Variants in GALNTL6 observed in about 807,000 individuals in gnomAD.
The protein encoded by GALNTL6 is polypeptide N-acetylgalactosaminyltransferase-like 6.
In GALNTL6, 46 loss-of-function variants were observed where a neutral mutation model predicts 73.7. The observed-to-expected ratio is 0.62, with a 90% CI of 0.49 to 0.80. GALNTL6 has a LOEUF of 0.80. Among genes scored for constraint, GALNTL6 ranks in the 30% least tolerant of loss-of-function variants. GALNTL6 has a pLI of 0.00. For missense variants in GALNTL6, 604 were observed against 755.0 expected, an observed-to-expected ratio of 0.80 and a Z score of 2.34; for synonymous variants, 259 against 263.7, an observed-to-expected ratio of 0.98 and a Z score of 0.17.
chr4:172,221,557 T>TTG (rs35277058), intron 2 of GALNTL6, among the ~76,000 whole-genome samples: 58,467 of 150,506 alleles, frequency 0.39, 11,404 homozygotes, highest in Non-Finnish European at 0.41. Flanking sequence ...TTTGTGGAGT[T>TTG]TGTGTGTGTG....
chr4:172,636,554 T>A (rs902213961), intron 5 of GALNTL6, among the ~76,000 whole-genome samples: 1 of 151,870 alleles, frequency 6.6e-6, no homozygotes, highest in Non-Finnish European at 1.5e-5. Context: ...GAAGCAGAGG[T>A]CAGAGTGAAA....
intron 10 of GALNTL6, among the ~76,000 whole-genome samples, chr4:173,002,726 C>T (rs915421363): frequency 4.3e-5 from 6 of 138,964 alleles, no homozygotes; most frequent in Admixed American, 7.9e-5. Flanking sequence ...ACCCAGGAGG[C>T]GGAGGTTGCA....
At chr4:172,166,125 G>A (rs1327853058) in intron 2 of GALNTL6, among the ~76,000 whole-genome samples, 1 of 152,126 alleles carries the variant, frequency 6.6e-6, no homozygotes, top group Admixed American at 6.5e-5. Flanking sequence ...TGAAAATAGA[G>A]GATTATGGTA....
intron 7 of GALNTL6, among the ~76,000 whole-genome samples, chr4:172,857,708 A>G (rs72708714): frequency 0.095 from 14,460 of 152,256 alleles, 859 homozygotes; most frequent in Non-Finnish European, 0.14. Flanking sequence ...AGTCTTTTTT[A>G]AAAAGTCTTT....
chr4:172,281,931 A>G (rs1384844820), intron 3 of GALNTL6, among the ~76,000 whole-genome samples: 1 of 151,748 alleles, frequency 6.6e-6, no homozygotes, highest in Non-Finnish European at 1.5e-5. Context: ...TTTTTTTTTA[A>G]TGTAGCATTA....
At chr4:172,918,212 G>A (rs1344574212) in intron 8 of GALNTL6, among the ~76,000 whole-genome samples, 3 of 152,004 alleles carry the variant, frequency 2.0e-5, no homozygotes, top group Non-Finnish European at 4.4e-5. Context: ...ACACAGAGTG[G>A]GGAACATCAC....
At chr4:172,944,905 G>A (rs1021859680) in intron 9 of GALNTL6, among the ~76,000 whole-genome samples, 3 of 151,764 alleles carry the variant, frequency 2.0e-5, no homozygotes, top group Non-Finnish European at 2.9e-5. Flanking sequence ...AAAAAAATAC[G>A]AAAGTAGCCA....
chr4:172,486,440 T>A (rs772052947), intron 5 of GALNTL6, among the ~76,000 whole-genome samples: 11 of 152,334 alleles, frequency 7.2e-5, no homozygotes, highest in Middle Eastern at 3.4e-3. Context: ...ATGGAAAAAC[T>A]ATACTTATAT....
rs866548368 is a variant in GALNTL6 at position 172,809,425 on chromosome 4, CAAG to C, written c.621_623del (p.Lys208del). On this transcript the variant is annotated inframe_deletion, in exon 6 of 13. Transcript: ENST00000506823. This position sits in a 1 kb window ranked among gnomAD's most constrained non-coding sequence, Gnocchi z 4.4. ...TTTCCAAAGTGAGGATTGTTCGCAC[CAAG>C]AAAAGAGAAGGACTCATCCGGACCC... is the stretch of plus-strand genomic sequence containing the variant. The C allele has an allele frequency of 1.9e-6, 3 of 1,613,672 alleles. No individual in the cohort carries two copies. Among genetic ancestry groups the C allele is most frequent in the Non-Finnish European group, 2.5e-6 (3 of 1,179,834 alleles).
At chr4:172,978,418 C>T (rs1194123661) in intron 10 of GALNTL6, among the ~76,000 whole-genome samples, 1 of 152,164 alleles carries the variant, frequency 6.6e-6, no homozygotes, top group African/African-American at 2.4e-5. Context: ...TCACAGGATA[C>T]TAAGTAAATC....
chr4:173,028,339 T>C (rs1309834251), intron 12 of GALNTL6, among the ~76,000 whole-genome samples: 3 of 152,216 alleles, frequency 2.0e-5, no homozygotes, highest in African/African-American at 7.2e-5. Context: ...AGGTGAAGCC[T>C]GGGTATTGAT....
At position 171,865,103 on chromosome 4, in the gene GALNTL6, G is replaced by C. The variant is rs568283275; in HGVS notation, c.138+50385G>C. Among the ~76,000 whole-genome samples, 5 of 151,574 alleles carry C rather than the reference G, an allele frequency of 3.3e-5. No homozygotes were observed. In the East Asian group the frequency reaches 9.7e-4, roughly 29 times the overall value. Reference sequence around the variant, plus strand: ...GGAGATTGCCGTGAACCGAGATCACGCCATTGCACTCCAGCCTGGGCGACA... The same window carrying C: ...GGAGATTGCCGTGAACCGAGATCACCCCATTGCACTCCAGCCTGGGCGACA... On this transcript the variant is annotated intron_variant, in intron 2 of 12. Transcript: ENST00000506823.
chr4:172,011,673 C>T (rs760746450), intron 2 of GALNTL6, among the ~76,000 whole-genome samples: 4 of 151,916 alleles, frequency 2.6e-5, no homozygotes, highest in Non-Finnish European at 4.4e-5. Context: ...CCTCTAGTTA[C>T]AGAATCTTAT....
chr4:172,313,159 A>T (rs1284635346), intron 4 of GALNTL6, among the ~76,000 whole-genome samples: 5 of 101,950 alleles, frequency 4.9e-5, no homozygotes, highest in East Asian at 3.2e-4. Flanking sequence ...GGAGTCTCCC[A>T]CTGTCGCCCA....
chr4:172,129,830 A>G (rs959780855), intron 2 of GALNTL6, among the ~76,000 whole-genome samples: 13 of 152,316 alleles, frequency 8.5e-5, no homozygotes, highest in African/African-American at 3.1e-4. Context: ...AAGAGGAGAT[A>G]CACAGTGGGC....
intron 2 of GALNTL6, among the ~76,000 whole-genome samples, chr4:172,058,261 A>G (rs1052483975): frequency 4.6e-5 from 7 of 151,838 alleles, no homozygotes; most frequent in African/African-American, 1.7e-4. Context: ...CCTACCCTAC[A>G]CTTCTTTTTA....
At chr4:171,929,866 C>T (rs753379408) in intron 2 of GALNTL6, among the ~76,000 whole-genome samples, 1 of 152,202 alleles carries the variant, frequency 6.6e-6, no homozygotes, top group Non-Finnish European at 1.5e-5. Context: ...CTGGAAAACG[C>T]GAGACAGAGC....
intron 10 of GALNTL6, among the ~76,000 whole-genome samples, chr4:172,972,015 TAAGA>T (rs1439112017): frequency 6.6e-6 from 1 of 151,978 alleles, no homozygotes; most frequent in East Asian, 1.9e-4. Flanking sequence ...ATTTAAGTAA[TAAGA>T]AAGAAGGGTT....
intron 5 of GALNTL6, among the ~76,000 whole-genome samples, chr4:172,637,633 A>T (rs1325953268): frequency 6.6e-6 from 1 of 152,196 alleles, no homozygotes; most frequent in Non-Finnish European, 1.5e-5. Flanking sequence ...AATAAATTCT[A>T]CAAAGTGTGG....
Sources: allele counts gnomAD v4.1 joint callset (sites outside exome capture counted in the v4.1 genomes callset), GRCh38; gene constraint gnomAD v4.1.1; non-coding constraint Gnocchi (gnomAD v3.1); transcripts MANE v1.5; gene names NCBI Gene and HGNC (gene_info 2026-07-23, HGNC 2026-07-21).